Variants in TAS2R3 observed in about 807,000 individuals in gnomAD.
TAS2R3 encodes taste receptor type 2 member 3.
A neutral mutation model predicts 15.3 loss-of-function variants in TAS2R3; 10 were observed. The observed-to-expected ratio is 0.65, with a 90% confidence interval of 0.40 to 1.11. The LOEUF (loss-of-function observed/expected upper bound fraction) is 1.11. Among genes scored for constraint, TAS2R3 ranks in the 50% least tolerant of loss-of-function variants. The probability of loss-of-function intolerance (pLI) is 0.00; values close to 1 mark genes in which losing one functional copy is unlikely to be tolerated. For missense variants in TAS2R3, 383 were observed against 370.3 expected, an observed-to-expected ratio of 1.03 and a Z score of -0.28; for synonymous variants, 162 against 141.3, an observed-to-expected ratio of 1.15 and a Z score of -1.04.
In TAS2R3 at chr7:141,764,695, T is replaced by C. The variant is rs776539543; in HGVS notation, c.537T>C (p.Tyr179=). 2 of 1,614,146 alleles carry C rather than the reference T, an allele frequency of 1.2e-6. No homozygotes were observed. Among genetic ancestry groups the C allele is most frequent in the Non-Finnish European group, 8.5e-7 (1 of 1,180,030 alleles). The change falls in exon 1 of 1, where the codon TAT becomes TAC. Residue 179 remains tyrosine (Y), a synonymous_variant. Coordinates refer to ENST00000247879, the MANE Select transcript of TAS2R3 (RefSeq NM_016943.2). ...EHFRKKRSEY[Y]LIHVLGTLWY... The stretch of plus-strand genomic sequence containing the variant: ...TCAGAAAGAAGAGGAGTGAGTATTA[T>C]CTGATCCATGTTCTTGGGACTCTGT...
rs373083376 is a variant in TAS2R3 at position 141,764,745 on chromosome 7, C to T, written c.587C>T (p.Ser196Phe). ...TGGTACCTGCCTCCCTTAATTGTGT[C>T]CCTGGCCTCCTACTCTTTGCTCATC... Reference protein sequence around the residue: ...TLWYLPPLIVSLASYSLLIFS... With the variant: ...TLWYLPPLIVFLASYSLLIFS... Residue 196 changes from serine to phenylalanine, a missense_variant, in exon 1 of 1, where the codon TCC becomes TTC. By Grantham distance (155) the Ser-to-Phe change is radical. Coordinates refer to ENST00000247879, the MANE Select transcript of TAS2R3 (RefSeq NM_016943.2). 22 of 1,613,758 alleles carry T rather than the reference C, an allele frequency of 1.4e-5. No homozygotes were observed. The highest frequency in any genetic ancestry group is 4.0e-5 in the African/African-American group (3 of 74,916).
chr7:141,764,213 C>G lies in TAS2R3; in HGVS notation c.55C>G (p.Leu19Val). The G allele has an allele frequency of 1.9e-6, 3 of 1,614,146 alleles. No homozygotes were observed. The highest frequency in any genetic ancestry group is 2.5e-6 in the Non-Finnish European group (3 of 1,180,032). ...GATTCTGTCTGGCACTCAGTTCACA[C>G]TGGGAATTCTGGTCAATTGTTTCAT... ...FLILSGTQFT[L>V]GILVNCFIEL... The change falls in exon 1 of 1, where the codon CTG becomes GTG. Residue 19 changes from leucine (L) to valine (V), a missense_variant. Transcript: ENST00000247879.
In TAS2R3 at chr7:141,765,006, T is replaced by C; in HGVS notation, c.848T>C (p.Ile283Thr). Residue 283 changes from isoleucine (I) to threonine (T), a missense_variant, in exon 1 of 1, where the codon ATT (isoleucine) becomes ACT (threonine). Coordinates refer to ENST00000247879, the MANE Select transcript of TAS2R3 (RefSeq NM_016943.2). ...TMFYPAGHSF[I>T]LILGNSKLKQ... ...TTTTATCCTGCTGGCCACTCATTTA[T>C]TCTCATTCTGGGGAACAGTAAGCTG... 6.2e-7 allele frequency: 1 copy of C among 1,614,238 alleles called. No homozygotes were observed. The highest frequency in any genetic ancestry group is 8.5e-7 in the Non-Finnish European group (1 of 1,180,034).
In TAS2R3 at chr7:141,764,808, A is replaced by G. The variant is rs1402515464; in HGVS notation, c.650A>G (p.Asn217Ser). The change falls in exon 1 of 1, where the codon AAT (asparagine) becomes AGT (serine). Residue 217 changes from asparagine to serine, a missense_variant. Asn to Ser is a conservative substitution (Grantham distance 46, BLOSUM62 1). Coordinates refer to ENST00000247879, the MANE Select transcript of TAS2R3 (RefSeq NM_016943.2). ...AGGCACACACGGCAGATGCTGCAAAATGGGACAAGCTCCAGAGATCCAACC... is the reference window on the plus strand; with the variant it reads ...AGGCACACACGGCAGATGCTGCAAAGTGGGACAAGCTCCAGAGATCCAACC... The part of the protein sequence containing the change: ...LGRHTRQMLQ[N>S]GTSSRDPTTE... 8 of 1,614,092 alleles carry G rather than the reference A, an allele frequency of 5.0e-6. No individual in the cohort carries two copies. Among genetic ancestry groups the G allele is most frequent in the Non-Finnish European group, 6.8e-6 (8 of 1,179,980 alleles).
Position 141,765,089 on chromosome 7 carries a change from A to G in TAS2R3, c.931A>G (p.Lys311Glu), listed in dbSNP as rs1563035612. The G allele has an allele frequency of 1.2e-6, 2 of 1,612,122 alleles. No homozygotes were observed. Among genetic ancestry groups the G allele is most frequent in the Non-Finnish European group, 1.7e-6 (2 of 1,178,964 alleles). Residue 311 changes from lysine (K) to glutamate (E), a missense_variant, in exon 1 of 1, where the codon AAG (lysine) becomes GAG (glutamate). Physicochemically the swap from Lys to Glu is moderately conservative, Grantham distance 56. Coordinates refer to ENST00000247879, the MANE Select transcript of TAS2R3 (RefSeq NM_016943.2). Reference sequence around the variant, plus strand: ...GTCTGGTCATCTGAAGCCTGGATCCAAGGGACCCATTTTCTCTTAGAGTAA... The same window carrying G: ...GTCTGGTCATCTGAAGCCTGGATCCGAGGGACCCATTTTCTCTTAGAGTAA... ...CESGHLKPGS[K>E]GPIFS
chr7:141,764,173 CG>C, the TAS2R3 span: 1 of 1,612,170 alleles, frequency 6.2e-7, no homozygotes, highest in Non-Finnish European at 8.5e-7. Flanking sequence ...TGGGACTCAC[CG>C]AGGGGGTGTT....
At position 141,764,398 on chromosome 7, in the gene TAS2R3, A is replaced by G. The variant is rs745421943; in HGVS notation, c.240A>G (p.Ile80Met). The G allele has an allele frequency of 2.0e-5, 32 of 1,614,196 alleles. No homozygotes were observed. The highest frequency in any genetic ancestry group is 2.5e-5 in the Non-Finnish European group (30 of 1,180,038). ...EFSPNTHDSG[I>M]IMQIIDVSWT... is the part of the protein sequence containing the mutation. ...CTCCCAACACACATGATTCAGGGAT[A>G]ATAATGCAAATTATTGATGTTTCCT... Residue 80 changes from isoleucine to methionine, a missense_variant, in exon 1 of 1, where the codon ATA (isoleucine) becomes ATG (methionine). Physicochemically the swap from Ile to Met is conservative, Grantham distance 10. Coordinates refer to ENST00000247879, the MANE Select transcript of TAS2R3 (RefSeq NM_016943.2).
rs145212417 is a variant in TAS2R3 at position 141,764,863 on chromosome 7, C to A, written c.705C>A (p.Ile235=). 1 of 1,614,060 alleles carries A rather than the reference C, an allele frequency of 6.2e-7. No individual in the cohort carries two copies. Among genetic ancestry groups the A allele is most frequent in the South Asian group, 1.1e-5 (1 of 91,072 alleles). The change falls in exon 1 of 1, where the codon ATC becomes ATA. Residue 235 remains isoleucine (I), a synonymous_variant. Transcript: ENST00000247879. ...TTEAHKRAIR[I]ILSFFFLFLL... ...AGGCCCACAAGAGGGCCATCAGAAT[C>A]ATCCTTTCCTTCTTCTTTCTCTTCT...
Position 141,764,300 on chromosome 7 carries a change from A to G in TAS2R3, c.142A>G (p.Ile48Val), listed in dbSNP as rs1326527894. The change falls in exon 1 of 1, where the codon ATC becomes GTC. Residue 48 changes from isoleucine to valine, a missense_variant. By Grantham distance (29) the Ile-to-Val change is conservative. Transcript: ENST00000247879. ...TKRMSLSDFI[I>V]TTLALLRIIL... ...GAGAATGTCTTTGTCTGACTTCATCATCACCACCCTGGCACTCTTGAGGAT... is the reference window on the plus strand; with the variant it reads ...GAGAATGTCTTTGTCTGACTTCATCGTCACCACCCTGGCACTCTTGAGGAT... 1.9e-6 allele frequency: 3 copies of G among 1,614,186 alleles called. No homozygotes were observed. The highest frequency in any genetic ancestry group is 1.7e-5 in the Admixed American group (1 of 60,030).
At position 141,764,433 on chromosome 7, in the gene TAS2R3, C is replaced by G. The variant is rs762052014; in HGVS notation, c.275C>G (p.Thr92Arg). Residue 92 changes from threonine (T) to arginine (R), a missense_variant, in exon 1 of 1, where the codon ACA (threonine) becomes AGA (arginine). By Grantham distance (71) the Thr-to-Arg change is moderately conservative. Coordinates refer to ENST00000247879, the MANE Select transcript of TAS2R3 (RefSeq NM_016943.2). ...ATTATTGATGTTTCCTGGACATTTA[C>G]AAACCATCTGAGCATTTGGCTTGCC... is the stretch of plus-strand genomic sequence containing the variant. Reference protein sequence around the residue: ...MQIIDVSWTFTNHLSIWLATC... With the variant: ...MQIIDVSWTFRNHLSIWLATC... The G allele has an allele frequency of 6.2e-7, 1 of 1,614,140 alleles. No homozygotes were observed. The highest frequency in any genetic ancestry group is 1.1e-5 in the South Asian group (1 of 91,058).
At chr7:141,764,732 C>CCCTT in the TAS2R3 span, 1 of 1,614,030 alleles carries the variant, frequency 6.2e-7, no homozygotes, top group Non-Finnish European at 8.5e-7. Flanking sequence ...GTACCTGCCT[C>CCCTT]CCTTAATTGT....
rs200726267 is a variant in TAS2R3, at chr7:141,765,097, C to T, written c.939C>T (p.Pro313=). 55 of 1,610,722 alleles carry T rather than the reference C, an allele frequency of 3.4e-5. No individual in the cohort carries two copies. In the East Asian group the frequency reaches 9.6e-4, roughly 28 times the overall value. ...SGHLKPGSKG[P]IFS is the part of the protein sequence containing the mutation. ...ATCTGAAGCCTGGATCCAAGGGACC[C>T]ATTTTCTCTTAGAGTAACAGAGGGC... The change falls in exon 1 of 1, where the codon CCC becomes CCT. Residue 313 remains proline, a synonymous_variant. Coordinates refer to ENST00000247879, the MANE Select transcript of TAS2R3 (RefSeq NM_016943.2).
rs1391302148 is a variant in TAS2R3 at position 141,764,575 on chromosome 7, C to G, written c.417C>G (p.Leu139=). Residue 139 remains leucine, a synonymous_variant, in exon 1 of 1, where the codon CTC becomes CTG. Coordinates refer to ENST00000247879, the MANE Select transcript of TAS2R3 (RefSeq NM_016943.2). ...VMVWMLLGAL[L]LSCGSTASLI... is the part of the protein sequence containing the mutation. ...TATGGATGCTGTTGGGTGCACTGCT[C>G]TTATCCTGTGGTAGTACCGCATCTC... 3.1e-6 allele frequency: 5 copies of G among 1,614,102 alleles called. No homozygotes were observed. The highest frequency in any genetic ancestry group is 2.2e-5 in the East Asian group (1 of 44,878).
chr7:141,764,145 G>A lies in TAS2R3; in HGVS notation c.-14G>A. 1 of 1,601,042 alleles carries A rather than the reference G, an allele frequency of 6.2e-7. No individual in the cohort carries two copies. The highest frequency in any genetic ancestry group is 1.1e-5 in the South Asian group (1 of 89,506). On this transcript the variant is annotated 5_prime_UTR_variant, in exon 1 of 1. Transcript: ENST00000247879. ...AACAGAAAGAACAAAGATCAGGGCT[G>A]CCTAATTGCTGACATGATGGGACTC...
In TAS2R3 at chr7:141,764,847, A is replaced by G. The variant is rs1256633675; in HGVS notation, c.689A>G (p.Lys230Arg). The G allele has an allele frequency of 1.2e-6, 2 of 1,614,210 alleles. No individual in the cohort carries two copies. The highest frequency in any genetic ancestry group is 1.7e-6 in the Non-Finnish European group (2 of 1,180,040). Residue 230 changes from lysine (K) to arginine (R), a missense_variant, in exon 1 of 1, where the codon AAG (lysine) becomes AGG (arginine). Transcript: ENST00000247879. The part of the protein sequence containing the change: ...SSRDPTTEAH[K>R]RAIRIILSFF... ...AGAGATCCAACCACTGAGGCCCACA[A>G]GAGGGCCATCAGAATCATCCTTTCC...
chr7:141,764,650 C>A lies in TAS2R3; in HGVS notation c.492C>A (p.Thr164=), dbSNP rs761638618. The change falls in exon 1 of 1, where the codon ACC becomes ACA. Residue 164 remains threonine, a synonymous_variant. Coordinates refer to ENST00000247879, the MANE Select transcript of TAS2R3 (RefSeq NM_016943.2). ...CTGTCTTTAGGGGAATTGAGGCCAC[C>A]AGGAATGTGACTGAACACTTCAGAA... ...LYSVFRGIEA[T]RNVTEHFRKK... 1.2e-6 allele frequency: 2 copies of A among 1,614,070 alleles called. No homozygotes were observed. Among genetic ancestry groups the A allele is most frequent in the Non-Finnish European group, 1.7e-6 (2 of 1,180,002 alleles).
chr7:141,764,767 C>T lies in TAS2R3; in HGVS notation c.609C>T (p.Leu203=), dbSNP rs1800104889. ...TGTCCCTGGCCTCCTACTCTTTGCT[C>T]ATCTTCTCCCTGGGGAGGCACACAC... The part of the protein sequence containing the change: ...LIVSLASYSL[L]IFSLGRHTRQ... The change falls in exon 1 of 1, where the codon CTC becomes CTT. Residue 203 remains leucine (L), a synonymous_variant. Coordinates refer to ENST00000247879, the MANE Select transcript of TAS2R3 (RefSeq NM_016943.2). 1.9e-6 allele frequency: 3 copies of T among 1,613,674 alleles called. No homozygotes were observed. The highest frequency in any genetic ancestry group is 2.2e-5 in the South Asian group (2 of 91,044).
rs551280379 is a variant in TAS2R3, at chr7:141,764,543, G to T, written c.385G>T (p.Val129Leu). The change falls in exon 1 of 1, where the codon GTG becomes TTG. Residue 129 changes from valine to leucine, a missense_variant. Val to Leu is a conservative substitution (Grantham distance 32). Coordinates refer to ENST00000247879, the MANE Select transcript of TAS2R3 (RefSeq NM_016943.2). ...FLWLKWRVSR[V>L]MVWMLLGALL... ...CTGGCTCAAGTGGAGAGTTTCTAGG[G>T]TGATGGTATGGATGCTGTTGGGTGC... is the stretch of plus-strand genomic sequence containing the variant. 31 of 1,614,134 alleles carry T rather than the reference G, an allele frequency of 1.9e-5. No homozygotes were observed. The Middle Eastern group carries it at 5.0e-4, about 26-fold the overall frequency.
Position 141,764,780 on chromosome 7 carries a change from G to C in TAS2R3, c.622G>C (p.Gly208Arg), listed in dbSNP as rs759037655. 2 of 1,613,806 alleles carry C rather than the reference G, an allele frequency of 1.2e-6. No homozygotes were observed. Among genetic ancestry groups the C allele is most frequent in the East Asian group, 4.5e-5 (2 of 44,864 alleles). ...ASYSLLIFSL[G>R]RHTRQMLQNG... ...CTACTCTTTGCTCATCTTCTCCCTG[G>C]GGAGGCACACACGGCAGATGCTGCA... The change falls in exon 1 of 1, where the codon GGG becomes CGG. Residue 208 changes from glycine to arginine, a missense_variant. Coordinates refer to ENST00000247879, the MANE Select transcript of TAS2R3 (RefSeq NM_016943.2).
Sources: gnomAD v4.1 joint callset for allele counts on GRCh38, gnomAD v4.1.1 for gene constraint, MANE v1.5 for transcripts, NCBI Gene and HGNC (gene_info 2026-07-23, HGNC 2026-07-21) for gene names.